ANKRD13A: variants seen among roughly 807,000 people sequenced by gnomAD.
ANKRD13A encodes the protein ankyrin repeat domain-containing protein 13A.
A neutral mutation model predicts 81.3 loss-of-function variants in ANKRD13A; 48 were observed. That is an observed-to-expected ratio of 0.59 (90% CI 0.47 to 0.75). The LOEUF (loss-of-function observed/expected upper bound fraction) is 0.75, where lower values mean the gene tolerates loss of function less well. ANKRD13A is among the 30% of genes least tolerant of loss of function. The pLI is 0.00. For synonymous variants in ANKRD13A, 230 were observed against 270.1 expected (o/e 0.85, Z 1.45); for missense variants, 612 against 734.0 (o/e 0.83, Z 1.92).
At chr12:110,011,412 C>T (rs1890517518) in intron 1 of ANKRD13A, among the ~76,000 whole-genome samples, 1 of 152,188 alleles carries the variant, frequency 6.6e-6, no homozygotes, top group Non-Finnish European at 1.5e-5. Context: ...GATCCGCATA[C>T]GTGCCCGGCA....
chr12:110,025,413 T>G (rs1251787418), intron 7 of ANKRD13A, among the ~76,000 whole-genome samples: 2 of 151,892 alleles, frequency 1.3e-5, no homozygotes, highest in Non-Finnish European at 2.9e-5. Context: ...TTGGGTACCT[T>G]AGTTTAATAG....
rs145864161 is a variant in ANKRD13A at position 110,021,417 on chromosome 12, T to C, written c.734+2089T>C. 5.7e-3 allele frequency: 950 copies of C among 166,614 alleles called. 3 individuals carry two copies. Among genetic ancestry groups the C allele is most frequent in the African/African-American group, 0.022 (902 of 40,434 alleles). The allele number at this position is 166,614 out of a possible 1,614,324, so 10.3% of individuals were successfully genotyped here. On this transcript the variant is annotated intron_variant, in intron 6 of 14. Coordinates refer to ENST00000261739, the MANE Select transcript of ANKRD13A (RefSeq NM_033121.2). ...TTTTCTTTTCTTTCTTTCTTTTCTT[T>C]TTTCTTTCTTTTTTTTTTTTTTTTT...
At chr12:110,005,345 A>G (rs1362323774) in intron 1 of ANKRD13A, among the ~76,000 whole-genome samples, 1 of 152,066 alleles carries the variant, frequency 6.6e-6, no homozygotes, top group African/African-American at 2.4e-5. Flanking sequence ...ATGTGTCCCT[A>G]TGTTGCCCAG....
chr12:110,001,752 A>G (rs1472685348), intron 1 of ANKRD13A, among the ~76,000 whole-genome samples: 1 of 149,964 alleles, frequency 6.7e-6, no homozygotes, highest in Non-Finnish European at 1.5e-5. Flanking sequence ...CAGATACGAT[A>G]AACTTTTGTG....
At chr12:110,004,428 C>T (rs1483338134) in intron 1 of ANKRD13A, among the ~76,000 whole-genome samples, 1 of 152,022 alleles carries the variant, frequency 6.6e-6, no homozygotes, top group Non-Finnish European at 1.5e-5. Flanking sequence ...CCAACCTGAC[C>T]AACACAGAGA....
At chr12:110,033,742 A>T in intron 12 of ANKRD13A, 55 bp from the exon 13 acceptor site, 1 of 1,455,952 alleles carries the variant, frequency 6.9e-7, no homozygotes, top group Non-Finnish European at 9.1e-7. Context: ...TTTTGCAAAA[A>T]GTTGGAGTGG....
chr12:110,021,148 G>A, intron 6 of ANKRD13A: 1 of 457,122 alleles, frequency 2.2e-6, no homozygotes, highest in Non-Finnish European at 4.4e-6. Flanking sequence ...GCAACTGACA[G>A]TGTGTAGCTG....
In ANKRD13A at chr12:110,018,602, TG is replaced by T; in HGVS notation, c.544+115del. The T allele has an allele frequency of 7.8e-7, 1 of 1,276,336 alleles. No individual in the cohort carries two copies. Among genetic ancestry groups the T allele is most frequent in the East Asian group, 2.5e-5 (1 of 40,360 alleles). The allele number at this position is 1,276,336 out of a possible 1,614,324, so 79.1% of individuals were successfully genotyped here. A position where few individuals can be genotyped will look rare whatever the true frequency, so the allele number is the denominator to read the frequency against. ...TTTCTGTCTGATCCTTCCTAGGGCA[TG>T]TTTTTTTGGTTATTCTTATTAATTA... On this transcript the variant is annotated intron_variant, in intron 5 of 14. Coordinates refer to ENST00000261739, the MANE Select transcript of ANKRD13A (RefSeq NM_033121.2). The surrounding 1 kb of genome is among the most constrained non-coding windows in gnomAD (Gnocchi z 4.4).
At chr12:110,033,055 CTTT>C (rs1195852066) in intron 12 of ANKRD13A, among the ~76,000 whole-genome samples, 7 of 130,470 alleles carry the variant, frequency 5.4e-5, no homozygotes, top group Admixed American at 7.7e-5. Context: ...TTTTCTTTTT[CTTT>C]TTTTTTTTTT....
chr12:110,015,881 T>C (rs958808840), intron 3 of ANKRD13A, among the ~76,000 whole-genome samples: 1 of 151,968 alleles, frequency 6.6e-6, no homozygotes, highest in African/African-American at 2.4e-5. Flanking sequence ...TCTAGACATA[T>C]TTTATATCAA....
intron 6 of ANKRD13A, chr12:110,021,254 A>G: frequency 2.5e-6 from 1 of 406,032 alleles, no homozygotes; most frequent in Admixed American, 2.8e-5. Context: ...GCCACTCCTT[A>G]GGATTGATAC....
chr12:110,001,772 GTTC>G (rs1889992019), intron 1 of ANKRD13A, among the ~76,000 whole-genome samples: 1 of 151,336 alleles, frequency 6.6e-6, no homozygotes, highest in Admixed American at 6.6e-5. Flanking sequence ...GAGAGTCATC[GTTC>G]TTAATTAGAT....
intron 7 of ANKRD13A, among the ~76,000 whole-genome samples, chr12:110,024,461 T>C (rs1042195979): frequency 4.6e-5 from 7 of 152,100 alleles, no homozygotes; most frequent in African/African-American, 1.7e-4. Context: ...GTTCAAATGT[T>C]GTGTAGTAGC....
In ANKRD13A at chr12:110,017,002, G is replaced by A. The variant is rs560204521; in HGVS notation, c.400+569G>A. 3.9e-5 allele frequency among the ~76,000 whole-genome samples: 6 copies of A among 152,192 alleles called. No individual in the cohort carries two copies. In the East Asian group the frequency reaches 1.2e-3, roughly 29 times the overall value. ...TTAGCCAGGCTGGTCTCAAACTCCT[G>A]ACCTCAGGTGATCCACCCACCCTAG... On this transcript the variant is annotated intron_variant, in intron 4 of 14. Coordinates refer to ENST00000261739, the MANE Select transcript of ANKRD13A (RefSeq NM_033121.2).
At chr12:110,037,210 C>T (rs1892114405) in intron 14 of ANKRD13A, 149 bp from the exon 15 acceptor site, 1 of 797,170 alleles carries the variant, frequency 1.3e-6, no homozygotes, top group Non-Finnish European at 2.0e-6. Context: ...ACAACACCTA[C>T]ACCGCCAGTT....
intron 1 of ANKRD13A, among the ~76,000 whole-genome samples, chr12:110,004,693 A>G (rs1037244112): frequency 1.3e-5 from 2 of 152,224 alleles, no homozygotes; most frequent in Admixed American, 6.5e-5. Context: ...TCATATTATT[A>G]GTTGAAGATT....
intron 6 of ANKRD13A, chr12:110,021,417 TTTTC>T (rs1891071964): frequency 1.2e-5 from 2 of 166,512 alleles, no homozygotes; most frequent in Admixed American, 6.3e-5. Flanking sequence ...TTCTTTTCTT[TTTTC>T]TTTCTTTTTT....
At chr12:110,000,528 C>G (rs1889899629) in intron 1 of ANKRD13A, among the ~76,000 whole-genome samples, 1 of 152,106 alleles carries the variant, frequency 6.6e-6, no homozygotes, top group Non-Finnish European at 1.5e-5. Flanking sequence ...GTAGTGCTCT[C>G]AGTTGGAGGT....
intron 1 of ANKRD13A, among the ~76,000 whole-genome samples, chr12:110,007,677 G>T (rs1353081144): frequency 1.3e-5 from 2 of 152,232 alleles, no homozygotes; most frequent in East Asian, 1.9e-4. Flanking sequence ...ACCACACCAG[G>T]CCAGTTCTTC....
Sources: gnomAD v4.1 joint callset for allele counts (sites outside exome capture counted in the v4.1 genomes callset) on GRCh38, gnomAD v4.1.1 for gene constraint, Gnocchi (gnomAD v3.1) non-coding constraint, MANE v1.5 for transcripts, NCBI Gene and HGNC (gene_info 2026-07-23, HGNC 2026-07-21) for gene names.